The following GRAMD1B variants were observed in gnomAD, a reference collection of about 807,000 sequenced individuals.
GRAMD1B encodes the protein GRAM domain containing 1B, also known as protein Aster-B.
Under a neutral mutation model 99.7 loss-of-function variants are expected in GRAMD1B, and 37 were observed. That is an observed-to-expected ratio of 0.37 (90% confidence interval 0.29 to 0.49). The LOEUF is 0.49. GRAMD1B is among the 20% of genes least tolerant of loss of function. The pLI, the probability that GRAMD1B is intolerant of heterozygous loss-of-function variation, is 0.98. For synonymous variants in GRAMD1B, 427 were observed against 387.6 expected (o/e 1.10, Z -1.19); for missense variants, 888 against 1,009.2 (o/e 0.88, Z 1.63).
rs1440288142 is a variant in GRAMD1B, at chr11:123,623,377, T to G, written c.*782T>G. 1 of 152,238 alleles carries G rather than the reference T, an allele frequency of 6.6e-6. No individual in the cohort carries two copies. The highest frequency in any genetic ancestry group is 1.5e-5 in the Non-Finnish European group (1 of 68,038). 9.4% of individuals were successfully genotyped at this position (152,238 alleles called of 1,614,324 possible). On this transcript the variant is annotated 3_prime_UTR_variant, in exon 20 of 20. Transcript: ENST00000635736. ...TGGATCTGGGCGAAGTGTCACTTTT[T>G]AGTGCCTAAAGTCCTATTGTTTCTC...
rs1361664835 is a variant in GRAMD1B at position 123,431,171 on chromosome 11, G to A, written c.374+5G>A. On this transcript the variant is annotated splice_donor_5th_base_variant and intron_variant, in intron 1 of 19. Coordinates refer to ENST00000635736, the MANE Select transcript of GRAMD1B (RefSeq NM_001387025.1). Reference sequence around the variant, plus strand: ...GAAGGAGTGCAGTGAAAGCAGGTACGTCCCCGTTCCGCCCGTCTCCTTCCC... The same window carrying A: ...GAAGGAGTGCAGTGAAAGCAGGTACATCCCCGTTCCGCCCGTCTCCTTCCC... 1 of 696,462 alleles carries A rather than the reference G, an allele frequency of 1.4e-6. No homozygotes were observed. The highest frequency in any genetic ancestry group is 2.6e-6 in the Non-Finnish European group (1 of 380,694). The allele number at this position is 696,462 out of a possible 1,614,324, so 43.1% of individuals were successfully genotyped here.
intron 1 of GRAMD1B, among the ~76,000 whole-genome samples, chr11:123,378,274 T>C (rs7944977): frequency 0.12 from 18,119 of 152,138 alleles, 2,003 homozygotes; most frequent in African/African-American, 0.29. Context: ...TTTTACTGCC[T>C]ATGGCAATCT....
chr11:123,614,482 T>C (rs1367644671), intron 16 of GRAMD1B, among the ~76,000 whole-genome samples: 1 of 152,206 alleles, frequency 6.6e-6, no homozygotes, highest in Non-Finnish European at 1.5e-5. Context: ...GATCCCTTTG[T>C]CCTGGGCCTG....
rs552323897 is a variant in GRAMD1B, at chr11:123,433,108, C to T, written c.374+1942C>T. ...GTGGCTAATGCCTGTAATCCCAGCA[C>T]TTTGGGAGGCTGAGGCGGGAGGGTC... On this transcript the variant is annotated intron_variant, in intron 1 of 19. Coordinates refer to ENST00000635736, the MANE Select transcript of GRAMD1B (RefSeq NM_001387025.1). Among the ~76,000 whole-genome samples, 97 of 152,078 alleles carry T rather than the reference C, an allele frequency of 6.4e-4. 1 individual carries two copies. The highest frequency in any genetic ancestry group is 1.2e-3 in the Non-Finnish European group (80 of 67,972).
intron 1 of GRAMD1B, among the ~76,000 whole-genome samples, chr11:123,468,845 T>TG (rs1950842993): frequency 6.6e-6 from 1 of 150,426 alleles, no homozygotes; most frequent in Admixed American, 6.6e-5. Context: ...GACCATAATG[T>TG]GGGTGGTGGT....
At chr11:123,595,850 C>T in intron 6 of GRAMD1B, 92 bp from the exon 7 acceptor site, 3 of 656,746 alleles carry the variant, frequency 4.6e-6, no homozygotes, top group Non-Finnish European at 8.2e-6. Context: ...CTGATTGCCT[C>T]TGTCTACACT....
chr11:123,604,199 A>G (rs1952389869), intron 9 of GRAMD1B, among the ~76,000 whole-genome samples: 1 of 152,190 alleles, frequency 6.6e-6, no homozygotes, highest in African/African-American at 2.4e-5. Context: ...TGCACAGGGA[A>G]GCCTGGGCTG....
At chr11:123,406,777 G>A (rs1166708641) in intron 1 of GRAMD1B, among the ~76,000 whole-genome samples, 2 of 152,170 alleles carry the variant, frequency 1.3e-5, no homozygotes, top group Non-Finnish European at 2.9e-5. Context: ...TCTCAAGGGA[G>A]GAGATGACAT....
chr11:123,438,266 C>T (rs1456631275), intron 1 of GRAMD1B, among the ~76,000 whole-genome samples: 1 of 152,194 alleles, frequency 6.6e-6, no homozygotes, highest in Admixed American at 6.5e-5. Context: ...CCTGGTCCAA[C>T]AGAAGCAAGG....
Position 123,430,464 on chromosome 11 carries a change from G to T in GRAMD1B, c.-329G>T, listed in dbSNP as rs980011886. On this transcript the variant is annotated 5_prime_UTR_variant, in exon 1 of 20. Coordinates refer to ENST00000635736, the MANE Select transcript of GRAMD1B (RefSeq NM_001387025.1). ...CAAAGACGCCAGCAAGCGAGGAAGC[G>T]CAGCGGAAGAAAAACAAGCGGGCGC... is the stretch of plus-strand genomic sequence containing the variant. 3 of 327,752 alleles carry T rather than the reference G, an allele frequency of 9.2e-6. No homozygotes were observed. The Admixed American group carries it at 1.6e-4, about 17-fold the overall frequency. 20.3% of individuals were successfully genotyped at this position (327,752 alleles called of 1,614,324 possible).
chr11:123,560,572 G>GC, intron 2 of GRAMD1B: 1 of 467,630 alleles, frequency 2.1e-6, no homozygotes. Flanking sequence ...CCCCGCCCCC[G>GC]CCCCCCACTG....
At chr11:123,424,040 T>C (rs2136049697) in intron 1 of GRAMD1B, among the ~76,000 whole-genome samples, 1 of 152,140 alleles carries the variant, frequency 6.6e-6, no homozygotes, top group African/African-American at 2.4e-5. Flanking sequence ...TCATTCCACA[T>C]TTTTCCCCTG....
At position 123,400,598 on chromosome 11, in the gene GRAMD1B, T is replaced by G. The variant is rs1451552834; in HGVS notation, c.-176+41799T>G. ...GAGGGACTGTTTCCTCACCATCTTC[T>G]TGCTGTGTCCTCATGTGCAGAAGTG... is the stretch of plus-strand genomic sequence containing the variant. On this transcript the variant is annotated intron_variant, in intron 1 of 20. Coordinates refer to the GRAMD1B transcript ENST00000638157. Among the ~76,000 whole-genome samples, 3 of 152,174 alleles carry G rather than the reference T, an allele frequency of 2.0e-5. No homozygotes were observed. In the East Asian group the frequency reaches 5.8e-4, roughly 29 times the overall value.
rs188295302 is a variant in GRAMD1B at position 123,536,457 on chromosome 11, G to A, written c.453-40910G>A. On this transcript the variant is annotated intron_variant, in intron 2 of 19. Coordinates refer to ENST00000635736, the MANE Select transcript of GRAMD1B (RefSeq NM_001387025.1). Reference sequence around the variant, plus strand: ...ATGAAAAATAAAATAAAATAAAATCGGGTTAATGACATCTACCCCAGAGGG... The same window carrying A: ...ATGAAAAATAAAATAAAATAAAATCAGGTTAATGACATCTACCCCAGAGGG... Among the ~76,000 whole-genome samples the A allele has an allele frequency of 9.9e-5, 15 of 152,080 alleles. No homozygotes were observed. In the East Asian group the frequency reaches 1.4e-3, roughly 14 times the overall value.
chr11:123,473,023 C>T (rs545323869), intron 1 of GRAMD1B, among the ~76,000 whole-genome samples: 3 of 152,158 alleles, frequency 2.0e-5, no homozygotes, highest in Admixed American at 1.3e-4. Flanking sequence ...ACAGGAAAAT[C>T]TTACGGAGGA....
At chr11:123,363,759 G>A (rs928332981) in intron 1 of GRAMD1B, among the ~76,000 whole-genome samples, 1 of 152,178 alleles carries the variant, frequency 6.6e-6, no homozygotes, top group Admixed American at 6.5e-5. Flanking sequence ...AGGGAAGCTG[G>A]TGTGTACTTT....
At chr11:123,559,766 G>T (rs370907089) in intron 2 of GRAMD1B, 2 of 823,838 alleles carry the variant, frequency 2.4e-6, no homozygotes, top group Admixed American at 1.2e-4. Flanking sequence ...CATCCTGGAA[G>T]TCTGGGAGCA....
rs73027990 is a variant in GRAMD1B, at chr11:123,569,293, C to T, written c.453-8074C>T. On this transcript the variant is annotated intron_variant, in intron 2 of 19. Coordinates refer to ENST00000635736, the MANE Select transcript of GRAMD1B (RefSeq NM_001387025.1). ...GGGTTATGACAAGGAGTGAAGCAAGCCTTACCAGGTCACTACTAGTGACTT... is the reference window on the plus strand; with the variant it reads ...GGGTTATGACAAGGAGTGAAGCAAGTCTTACCAGGTCACTACTAGTGACTT... Among the ~76,000 whole-genome samples the T allele has an allele frequency of 2.0e-5, 3 of 152,076 alleles. No homozygotes were observed. The East Asian group carries it at 5.8e-4, about 30-fold the overall frequency.
intron 2 of GRAMD1B, among the ~76,000 whole-genome samples, chr11:123,504,997 T>G (rs542413130): frequency 5.9e-5 from 9 of 152,286 alleles, no homozygotes; most frequent in Non-Finnish European, 1.2e-4. Flanking sequence ...TCTAATTTTC[T>G]TTATGACTTT....
Sources: allele counts gnomAD v4.1 joint callset (sites outside exome capture counted in the v4.1 genomes callset), GRCh38; gene constraint gnomAD v4.1.1; transcripts MANE v1.5; gene names NCBI Gene and HGNC (gene_info 2026-07-23, HGNC 2026-07-21).